Variants in NPEPL1 observed in about 807,000 individuals in gnomAD.
NPEPL1 encodes the protein aminopeptidase like 1, also known as probable aminopeptidase NPEPL1.
In NPEPL1, 45 loss-of-function variants were observed where a neutral mutation model predicts 52.4. That is an observed-to-expected ratio of 0.86 (90% CI 0.68 to 1.10). The LOEUF is 1.10. Ranked by LOEUF, NPEPL1 falls within the 50% of genes least tolerant of loss-of-function variation. NPEPL1 has a pLI of 0.00. For synonymous variants in NPEPL1, 360 were observed against 314.7 expected (o/e 1.14, Z -1.52); for missense variants, 696 against 710.9 (o/e 0.98, Z 0.24).
At chr20:58,698,794 G>C in intron 4 of NPEPL1, 21 bp downstream of exon 4, 1 of 1,604,224 alleles carries the variant, frequency 6.2e-7, no homozygotes, top group Non-Finnish European at 8.5e-7. Flanking sequence ...TCATCAGGCC[G>C]GGGGTGGGAC....
At chr20:58,704,257 C>G (rs2084694529) in intron 6 of NPEPL1, 1 of 984,828 alleles carries the variant, frequency 1.0e-6, no homozygotes, top group South Asian at 4.7e-5. Flanking sequence ...AGCAAGCCGG[C>G]TGGAGCCAGC....
Position 58,693,038 on chromosome 20 carries a change from G to A in NPEPL1, c.138G>A (p.Arg46=). 1.2e-5 allele frequency: 13 copies of A among 1,051,730 alleles called. No homozygotes were observed. The highest frequency in any genetic ancestry group is 1.5e-5 in the Non-Finnish European group (13 of 869,946). The allele number at this position is 1,051,730 out of a possible 1,614,324, so 65.1% of individuals were successfully genotyped here. The part of the protein sequence containing the change: ...WSHVRGKLQP[R]VTEELWQAAL... ...ACGTCCGCGGGAAGCTGCAGCCCCG[G>A]GTCACCGAGGAGGTGAGCGGGCCGC... is the stretch of plus-strand genomic sequence containing the variant. The change falls in exon 1 of 12, where the codon CGG becomes CGA. Residue 46 remains arginine (R), a synonymous_variant. Coordinates refer to ENST00000356091, the MANE Select transcript of NPEPL1 (RefSeq NM_024663.4).
chr20:58,694,358 C>T, intron 2 of NPEPL1, 64 bp from the exon 3 acceptor site: 1 of 1,498,184 alleles, frequency 6.7e-7, no homozygotes, highest in Non-Finnish European at 8.9e-7. Flanking sequence ...GTTCAAAGAG[C>T]AGCTCCCTGC....
At chr20:58,701,312 TTGGGGTGGGG>T (rs565387041) in intron 6 of NPEPL1, among the ~76,000 whole-genome samples, 154 bp downstream of exon 6, 4 of 10,228 alleles carry the variant, frequency 3.9e-4, no homozygotes, top group African/African-American at 5.3e-4. Context: ...TGCCCTGGGG[TTGGGGTGGGG>T]TGGGGTGGGG....
At chr20:58,690,106 T>G (rs1296538681), upstream of NPEPL1, among the ~76,000 whole-genome samples, 1 of 152,204 alleles carries the variant, frequency 6.6e-6, no homozygotes, top group Non-Finnish European at 1.5e-5. Flanking sequence ...CCTAGAGCCA[T>G]CTTACAAGAT....
At chr20:58,695,120 GGT>G (rs1226254918) in intron 3 of NPEPL1, among the ~76,000 whole-genome samples, 4 of 128,830 alleles carry the variant, frequency 3.1e-5, no homozygotes, top group Non-Finnish European at 6.7e-5. Flanking sequence ...TGTGTTTGCT[GGT>G]GTGTGCATGA....
rs2084542822 is a variant in NPEPL1, at chr20:58,698,669, C to T, written c.508-15C>T. The T allele has an allele frequency of 3.7e-6, 6 of 1,609,146 alleles. No individual in the cohort carries two copies. The highest frequency in any genetic ancestry group is 1.3e-5 in the African/African-American group (1 of 74,994). Reference sequence around the variant, plus strand: ...CCTCCCACCTGGTCCCCAGTGATGGCCTTTTTCTCCCTAGTGCTTAGCGAA... The same window carrying T: ...CCTCCCACCTGGTCCCCAGTGATGGTCTTTTTCTCCCTAGTGCTTAGCGAA... On this transcript the variant is annotated splice_polypyrimidine_tract_variant and intron_variant, in intron 3 of 11. Transcript: ENST00000356091.
chr20:58,714,156 G>C, intron 10 of NPEPL1, 63 bp downstream of exon 10: 1 of 1,496,918 alleles, frequency 6.7e-7, no homozygotes. Context: ...GCGGAGCCCT[G>C]CCTTCAGGGT....
chr20:58,691,849 T>C, upstream of NPEPL1: 1 of 1,490,938 alleles, frequency 6.7e-7, no homozygotes, highest in Non-Finnish European at 9.2e-7. Flanking sequence ...TTTTTGCTTT[T>C]AAATGACTCC....
At chr20:58,693,659 C>A (rs563745191) in intron 1 of NPEPL1, 78 bp from the exon 2 acceptor site, 9 of 1,343,702 alleles carry the variant, frequency 6.7e-6, no homozygotes, top group East Asian at 4.7e-5. Flanking sequence ...TGGTTGTGGC[C>A]GTGGCTGCAG....
intron 7 of NPEPL1, among the ~76,000 whole-genome samples, chr20:58,709,084 G>A (rs2084787919): frequency 6.6e-6 from 1 of 151,778 alleles, no homozygotes; most frequent in Non-Finnish European, 1.5e-5. Flanking sequence ...GCAGCCGTGA[G>A]TGTTCTCAGC....
Position 58,713,918 on chromosome 20 carries a change from G to T in NPEPL1, c.1127G>T (p.Gly376Val). The T allele has an allele frequency of 6.8e-7, 1 of 1,472,354 alleles. No individual in the cohort carries two copies. Among genetic ancestry groups the T allele is most frequent in the East Asian group, 2.7e-5 (1 of 37,622 alleles). The allele number at this position is 1,472,354 out of a possible 1,614,324, so 91.2% of individuals were successfully genotyped here. ...LDMATLTGAQ[G>V]IATGKYHAAV... ...CTTCCCGGGTTCCTGCCCGCCCAGG[G>T]CATTGCCACAGGGAAGTACCACGCC... Residue 376 changes from glycine (G) to valine (V), a missense_variant and splice_region_variant, in exon 10 of 12, where the codon GGC becomes GTC. By Grantham distance (109) the Gly-to-Val change is moderately radical. Transcript: ENST00000356091. The surrounding 1 kb of genome is among the most constrained non-coding windows in gnomAD (Gnocchi z 4.6).
rs766604664 is a variant in NPEPL1, at chr20:58,715,190, G to A, written c.1436G>A (p.Gly479Asp). The change falls in exon 12 of 12, where the codon GGT (glycine) becomes GAT (aspartate). Residue 479 changes from glycine (G) to aspartate (D), a missense_variant. By Grantham distance (94) the Gly-to-Asp change is moderately conservative. Transcript: ENST00000356091. ...CAGGGTGAGCGAGCCACAGGCTTCG[G>A]TGTGGCCCTCCTGCTGGCGCTCTTC... Reference protein sequence around the residue: ...VHAGERATGFGVALLLALFGR... With the variant: ...VHAGERATGFDVALLLALFGR... The A allele has an allele frequency of 6.2e-7, 1 of 1,607,108 alleles. No individual in the cohort carries two copies. Among genetic ancestry groups the A allele is most frequent in the Admixed American group, 1.7e-5 (1 of 59,518 alleles).
chr20:58,692,824 G>C lies in NPEPL1; in HGVS notation c.-77G>C. On this transcript the variant is annotated 5_prime_UTR_variant, in exon 1 of 12. Transcript: ENST00000356091. This position sits in a 1 kb window ranked among gnomAD's most constrained non-coding sequence, Gnocchi z 5.7. ...CAGGGCCGGGGCGGTGCCGAGGCCGGGCCGGAGCGGGGCGAAGGGGGCCGA... is the reference window on the plus strand; with the variant it reads ...CAGGGCCGGGGCGGTGCCGAGGCCGCGCCGGAGCGGGGCGAAGGGGGCCGA... 5.1e-6 allele frequency: 5 copies of C among 977,278 alleles called. No homozygotes were observed. Among genetic ancestry groups the C allele is most frequent in the Non-Finnish European group, 6.1e-6 (5 of 824,856 alleles). 60.5% of individuals were successfully genotyped at this position (977,278 alleles called of 1,614,324 possible). A position where few individuals can be genotyped will look rare whatever the true frequency, so the allele number is the denominator to read the frequency against.
intron 7 of NPEPL1, among the ~76,000 whole-genome samples, chr20:58,710,498 CA>C (rs11481655): frequency 4.4e-4 from 65 of 146,938 alleles, no homozygotes; most frequent in Admixed American, 4.7e-4. Context: ...AGCCTGGCAC[CA>C]AAAAAAAAAG....
At position 58,693,045 on chromosome 20, in the gene NPEPL1, G is replaced by A. The variant is rs982231257; in HGVS notation, c.145G>A (p.Glu49Lys). ...VRGKLQPRVT[E>K]ELWQAALSTL... ...CGGGAAGCTGCAGCCCCGGGTCACC[G>A]AGGAGGTGAGCGGGCCGCCGGCCGC... Residue 49 changes from glutamate (E) to lysine (K), a missense_variant, in exon 1 of 12, where the codon GAG (glutamate) becomes AAG (lysine). Glu to Lys is a moderately conservative substitution (Grantham distance 56, BLOSUM62 1). Transcript: ENST00000356091. 4.8e-6 allele frequency: 5 copies of A among 1,037,074 alleles called. No individual in the cohort carries two copies. The highest frequency in any genetic ancestry group is 5.8e-6 in the Non-Finnish European group (5 of 861,942). 64.2% of individuals were successfully genotyped at this position (1,037,074 alleles called of 1,614,324 possible). A position where few individuals can be genotyped will look rare whatever the true frequency, so the allele number is the denominator to read the frequency against.
intron 7 of NPEPL1, among the ~76,000 whole-genome samples, chr20:58,712,111 A>ATGTGTG (rs1568860662): frequency 1.1e-4 from 5 of 47,476 alleles, no homozygotes; most frequent in African/African-American, 1.7e-4. Flanking sequence ...CTGTGTGTGT[A>ATGTGTG]CGTGTGTGTG....
chr20:58,712,531 G>A lies in NPEPL1; in HGVS notation c.953G>A (p.Gly318Glu). ...TTCTGCTTGGCTGAGAACTCGGTGG[G>A]GCCCAATGCGACAAGGCCAGATGAC... ...AVFCLAENSVGPNATRPDDIH... is the reference protein window; with the variant it reads ...AVFCLAENSVEPNATRPDDIH... The change falls in exon 8 of 12, where the codon GGG (glycine) becomes GAG (glutamate). Residue 318 changes from glycine to glutamate, a missense_variant. By Grantham distance (98) the Gly-to-Glu change is moderately conservative (BLOSUM62 -2). Transcript: ENST00000356091. The A allele has an allele frequency of 6.2e-7, 1 of 1,613,354 alleles. No homozygotes were observed. The highest frequency in any genetic ancestry group is 8.5e-7 in the Non-Finnish European group (1 of 1,179,748).
upstream of NPEPL1, chr20:58,692,627 G>T (rs1601087451): frequency 5.3e-6 from 1 of 189,808 alleles, no homozygotes; most frequent in South Asian, 1.8e-4. This position sits in a 1 kb window ranked among gnomAD's most constrained non-coding sequence, Gnocchi z 5.7. Flanking sequence ...GGCCGGGCGC[G>T]CGGGCCCTAC....
Sources: allele counts gnomAD v4.1 joint callset (sites outside exome capture counted in the v4.1 genomes callset), GRCh38; gene constraint gnomAD v4.1.1; non-coding constraint Gnocchi (gnomAD v3.1); transcripts MANE v1.5; gene names NCBI Gene and HGNC (gene_info 2026-07-23, HGNC 2026-07-21).